The following PRKN variants were observed in gnomAD, a reference collection of about 807,000 sequenced individuals.
The protein encoded by PRKN is parkin RBR E3 ubiquitin protein ligase.
PRKN carries 56 observed loss-of-function variants against 59.5 expected under a neutral mutation model. The ratio of observed to expected loss-of-function variants is 0.94; its 90% CI spans 0.76 to 1.18. The LOEUF (loss-of-function observed/expected upper bound fraction) is 1.18, where lower values mean the gene tolerates loss of function less well. Ranked by LOEUF, PRKN falls within the 50% of genes most tolerant of loss-of-function variation. The pLI is 0.00. For missense variants in PRKN, 657 were observed against 596.4 expected (o/e 1.10, Z -1.06); for synonymous variants, 250 against 222.1 (o/e 1.13, Z -1.12).
At chr6:161,794,141 T>C (rs1172909900) in intron 6 of PRKN, among the ~76,000 whole-genome samples, 1 of 152,156 alleles carries the variant, frequency 6.6e-6, no homozygotes, top group Non-Finnish European at 1.5e-5. Flanking sequence ...CCTATCAAAT[T>C]AATTATGTTC....
At chr6:162,358,066 T>A (rs1482118679) in intron 2 of PRKN, among the ~76,000 whole-genome samples, 3 of 152,188 alleles carry the variant, frequency 2.0e-5, no homozygotes, top group Non-Finnish European at 2.9e-5. Flanking sequence ...CTATGGACTG[T>A]AGTTAATAAT....
At chr6:162,607,926 A>G (rs1781990502) in intron 1 of PRKN, among the ~76,000 whole-genome samples, 1 of 152,218 alleles carries the variant, frequency 6.6e-6, no homozygotes, top group South Asian at 2.1e-4. Flanking sequence ...AGAGATGCCT[A>G]GCAAGAGATG....
intron 1 of PRKN, among the ~76,000 whole-genome samples, chr6:162,714,286 C>A (rs1017721703): frequency 2.0e-5 from 3 of 152,108 alleles, no homozygotes; most frequent in African/African-American, 7.2e-5. Context: ...ATCTTTAGAA[C>A]AATTGTGAAA....
At chr6:161,809,955 G>A (rs1791494247) in intron 6 of PRKN, among the ~76,000 whole-genome samples, 1 of 152,180 alleles carries the variant, frequency 6.6e-6, no homozygotes, top group African/African-American at 2.4e-5. Context: ...TTTTAAAAAT[G>A]TGTTTAATAA....
intron 6 of PRKN, among the ~76,000 whole-genome samples, chr6:161,837,552 G>T (rs937861782): frequency 1.3e-5 from 2 of 150,906 alleles, no homozygotes; most frequent in Non-Finnish European, 2.9e-5. Flanking sequence ...TTAATTTCCT[G>T]GGTGTCTGGG....
At position 161,682,750 on chromosome 6, in the gene PRKN, G is replaced by C. The variant is rs552782677; in HGVS notation, c.871+103022C>G. Among the ~76,000 whole-genome samples, 6 of 152,262 alleles carry C rather than the reference G, an allele frequency of 3.9e-5. No homozygotes were observed. In the East Asian group the frequency reaches 1.2e-3, roughly 30 times the overall value. On this transcript the variant is annotated intron_variant, in intron 7 of 11. Coordinates refer to ENST00000366898, the MANE Select transcript of PRKN (RefSeq NM_004562.3). The stretch of plus-strand genomic sequence containing the variant: ...AGCAGAGGGCCGCTCTGCAAGACGC[G>C]AGGCCTGGTGGGAAGCCAGGCGAGA...
At chr6:161,404,794 T>C (rs1787189506) in intron 9 of PRKN, among the ~76,000 whole-genome samples, 1 of 152,232 alleles carries the variant, frequency 6.6e-6, no homozygotes, top group African/African-American at 2.4e-5. Context: ...TTCAGATAAG[T>C]CACTGAAATG....
chr6:162,668,149 A>C (rs533623962), intron 1 of PRKN, among the ~76,000 whole-genome samples: 73 of 152,376 alleles, frequency 4.8e-4, no homozygotes, highest in African/African-American at 1.7e-3. Flanking sequence ...AAAGTAAGGA[A>C]GCAGATATAT....
At chr6:162,374,080 G>C (rs1442356355) in intron 2 of PRKN, among the ~76,000 whole-genome samples, 1 of 152,122 alleles carries the variant, frequency 6.6e-6, no homozygotes, top group Non-Finnish European at 1.5e-5. Context: ...CTCTGTACAG[G>C]GAAAACTTTA....
intron 5 of PRKN, among the ~76,000 whole-genome samples, chr6:162,034,986 C>A: frequency 6.6e-6 from 1 of 152,194 alleles, no homozygotes; most frequent in Non-Finnish European, 1.5e-5. Context: ...AGGTTTAGTT[C>A]GCTCACGGTT....
In PRKN at chr6:162,129,715, G is replaced by C. The variant is rs147704846; in HGVS notation, c.534+71416C>G. Among the ~76,000 whole-genome samples, 505 of 152,032 alleles carry C rather than the reference G, an allele frequency of 3.3e-3. 10 individuals are homozygous for C. The highest frequency in any genetic ancestry group is 0.032 in the Admixed American group (488 of 15,246). ...CTATAAAATACTTTTCCTGATGTGA[G>C]GACTGATTCACAGAACTGCATAAGG... is the stretch of plus-strand genomic sequence containing the variant. On this transcript the variant is annotated intron_variant, in intron 4 of 11. Coordinates refer to ENST00000366898, the MANE Select transcript of PRKN (RefSeq NM_004562.3).
rs1175103220 is a variant in PRKN, at chr6:161,440,452, C to T, written c.1084-53575G>A. ...ACCCCAAATATCAAGAATGCTGACA[C>T]GGAGGTTGAGAAGCCTGGCATTTCC... On this transcript the variant is annotated intron_variant, in intron 9 of 11. Coordinates refer to ENST00000366898, the MANE Select transcript of PRKN (RefSeq NM_004562.3). The surrounding 1 kb of genome is among the most constrained non-coding windows in gnomAD (Gnocchi z 4.1). 2.0e-5 allele frequency among the ~76,000 whole-genome samples: 3 copies of T among 152,112 alleles called. No individual in the cohort carries two copies. The highest frequency in any genetic ancestry group is 4.4e-5 in the Non-Finnish European group (3 of 68,032).
chr6:162,477,570 T>C (rs1007632052), intron 1 of PRKN, among the ~76,000 whole-genome samples: 5 of 152,198 alleles, frequency 3.3e-5, no homozygotes, highest in East Asian at 1.9e-4. Context: ...ACTCCCTTCA[T>C]TGAGAACAAG....
intron 7 of PRKN, chr6:161,716,068 A>C (rs781259423): frequency 1.2e-6 from 1 of 855,544 alleles, no homozygotes. Context: ...TGCTGGGCCC[A>C]TCTTACCGAC....
intron 2 of PRKN, among the ~76,000 whole-genome samples, chr6:162,289,954 G>A (rs1409910122): frequency 1.3e-5 from 2 of 152,174 alleles, no homozygotes; most frequent in Non-Finnish European, 2.9e-5. Context: ...GGAAGTAAGA[G>A]TATGATTTTT....
At chr6:161,645,857 A>G (rs1783909187) in intron 7 of PRKN, among the ~76,000 whole-genome samples, 1 of 152,294 alleles carries the variant, frequency 6.6e-6, no homozygotes. Context: ...GAAATAAGTT[A>G]GAAAAGGCCG....
At chr6:161,897,665 T>C (rs1047976990) in intron 6 of PRKN, among the ~76,000 whole-genome samples, 2 of 152,178 alleles carry the variant, frequency 1.3e-5, no homozygotes, top group Non-Finnish European at 2.9e-5. Flanking sequence ...TGATAATTTA[T>C]GTTGTTCATG....
chr6:162,460,942 T>C (rs1443472434), intron 1 of PRKN, among the ~76,000 whole-genome samples: 1 of 152,188 alleles, frequency 6.6e-6, no homozygotes, highest in Non-Finnish European at 1.5e-5. Flanking sequence ...CACACTGTTC[T>C]AATTTCCATA....
chr6:161,441,197 G>C (rs9456670), intron 9 of PRKN, among the ~76,000 whole-genome samples: 2,021 of 152,324 alleles, frequency 0.013, 50 homozygotes, highest in African/African-American at 0.045. Flanking sequence ...GAGCAAGAAA[G>C]AGCAGCTCAG....
Sources: gnomAD v4.1 joint callset for allele counts (sites outside exome capture counted in the v4.1 genomes callset) on GRCh38, gnomAD v4.1.1 for gene constraint, Gnocchi (gnomAD v3.1) non-coding constraint, MANE v1.5 for transcripts, NCBI Gene and HGNC (gene_info 2026-07-23, HGNC 2026-07-21) for gene names.